Variants in UNC13B observed in about 807,000 individuals in gnomAD.
UNC13B encodes the protein protein unc-13 homolog B.
UNC13B carries 144 observed loss-of-function variants against 211.0 expected under a neutral mutation model. The ratio of observed to expected loss-of-function variants is 0.68; its 90% CI spans 0.60 to 0.78. The LOEUF is 0.78. UNC13B is among the 30% of genes least tolerant of loss of function. UNC13B has a pLI of 0.00. For missense variants in UNC13B, 1,777 were observed against 2,002.0 expected (o/e 0.89, Z 2.14); for synonymous variants, 709 against 725.8 (o/e 0.98, Z 0.37).
intron 1 of UNC13B, among the ~76,000 whole-genome samples, chr9:35,212,903 A>T (rs2131423770): frequency 6.6e-6 from 1 of 152,326 alleles, no homozygotes; most frequent in Admixed American, 6.5e-5. Flanking sequence ...CAGCTAATTT[A>T]TGCCATTACA....
intron 12 of UNC13B, among the ~76,000 whole-genome samples, chr9:35,368,024 A>G (rs1289400561): frequency 6.6e-6 from 1 of 152,072 alleles, no homozygotes; most frequent in Admixed American, 6.5e-5. Flanking sequence ...ATATTTTTAC[A>G]TGCTCCTTTC....
At chr9:35,263,024 A>T (rs1827368922) in intron 7 of UNC13B, among the ~76,000 whole-genome samples, 1 of 152,168 alleles carries the variant, frequency 6.6e-6, no homozygotes, top group Non-Finnish European at 1.5e-5. Flanking sequence ...AAAATAGTTT[A>T]TTCTAATTAT....
At position 35,306,312 on chromosome 9, in the gene UNC13B, A is replaced by T; in HGVS notation, c.6908A>T (p.Asp2303Val). Reference protein sequence around the residue: ...VTSLADELSVDKDCQEKLSSN... With the variant: ...VTSLADELSVVKDCQEKLSSN... ...TCCCTTGCAGATGAGCTCAGTGTAG[A>T]CAAGGACTGTCAGGAAAAACTGAGT... Residue 2303 changes from aspartate to valine, a missense_variant, in exon 9 of 40, where the codon GAC (aspartate) becomes GTC (valine). Physicochemically the swap from Asp to Val is radical, Grantham distance 152 (BLOSUM62 -3). Transcript: ENST00000635942. The T allele has an allele frequency of 2.5e-6, 1 of 399,080 alleles. No homozygotes were observed. The highest frequency in any genetic ancestry group is 4.4e-6 in the Non-Finnish European group (1 of 226,062). 24.7% of individuals were successfully genotyped at this position (399,080 alleles called of 1,614,324 possible).
intron 10 of UNC13B, 79 bp from the exon 11 acceptor site, chr9:35,313,820 A>C: frequency 1.8e-6 from 2 of 1,140,258 alleles, no homozygotes; most frequent in Non-Finnish European, 2.7e-6. Context: ...TATTTTAGAC[A>C]TTTGGCAGTC....
intron 8 of UNC13B, among the ~76,000 whole-genome samples, chr9:35,297,614 A>G (rs7046964): frequency 0.028 from 3,709 of 131,650 alleles, 159 homozygotes; most frequent in African/African-American, 0.1. Flanking sequence ...CAGTGGCGCT[A>G]TCTCGGCTCA....
intron 2 of UNC13B, 25 bp downstream of exon 2, chr9:35,228,069 T>G (rs1824960751): frequency 1.3e-6 from 2 of 1,599,338 alleles, no homozygotes; most frequent in Non-Finnish European, 1.7e-6. Context: ...CTATTATGTC[T>G]TTTCCTCTTG....
chr9:35,321,751 T>C (rs1693434596), intron 11 of UNC13B, among the ~76,000 whole-genome samples: 1 of 152,186 alleles, frequency 6.6e-6, no homozygotes, highest in Non-Finnish European at 1.5e-5. Context: ...TCGTCCTGTC[T>C]GGGCCTCCTG....
intron 7 of UNC13B, 31 bp from the exon 8 acceptor site, chr9:35,295,665 G>A: frequency 6.3e-7 from 1 of 1,588,794 alleles, no homozygotes; most frequent in Non-Finnish European, 8.6e-7. Flanking sequence ...ATAAAGCTGG[G>A]GTGCTTTGAT....
intron 11 of UNC13B, among the ~76,000 whole-genome samples, chr9:35,355,076 G>A (rs1288158649): frequency 6.6e-6 from 1 of 152,162 alleles, no homozygotes; most frequent in Non-Finnish European, 1.5e-5. Flanking sequence ...GCTATAAAAA[G>A]AATGTGGTAG....
At chr9:35,243,859 A>T (rs545834869) in intron 6 of UNC13B, among the ~76,000 whole-genome samples, 1 of 152,098 alleles carries the variant, frequency 6.6e-6, no homozygotes, top group African/African-American at 2.4e-5. Context: ...GTTATTGCTG[A>T]TGGAGGGAAA....
intron 11 of UNC13B, among the ~76,000 whole-genome samples, chr9:35,318,217 T>C (rs1239155054): frequency 6.6e-6 from 1 of 152,160 alleles, no homozygotes; most frequent in Non-Finnish European, 1.5e-5. Flanking sequence ...TGGCAACTGA[T>C]TAGAAATGTC....
intron 1 of UNC13B, 70 bp from the exon 2 acceptor site, chr9:35,227,945 C>T: frequency 7.3e-7 from 1 of 1,367,210 alleles, no homozygotes; most frequent in Non-Finnish European, 1.0e-6. Flanking sequence ...TATGTAGTGC[C>T]TAATAAATGT....
At chr9:35,400,221 T>C (rs1836203361) in intron 36 of UNC13B, 75 bp from the exon 37 acceptor site, 3 of 1,568,318 alleles carry the variant, frequency 1.9e-6, no homozygotes, top group African/African-American at 1.4e-5. Context: ...CTCTTCTTGC[T>C]TCTCTGAGGA....
chr9:35,247,939 C>T (rs1446118188), intron 6 of UNC13B, among the ~76,000 whole-genome samples: 1 of 152,054 alleles, frequency 6.6e-6, no homozygotes, highest in Non-Finnish European at 1.5e-5. Context: ...GTACCAGCTC[C>T]TCCTTGTACC....
chr9:35,168,738 G>A (rs1027151828), intron 1 of UNC13B, among the ~76,000 whole-genome samples: 1 of 132,124 alleles, frequency 7.6e-6, no homozygotes, highest in Non-Finnish European at 1.6e-5. Flanking sequence ...GTCTCACTCT[G>A]TTGCCCAGGC....
At position 35,347,486 on chromosome 9, in the gene UNC13B, G is replaced by C. The variant is rs1043715869; in HGVS notation, c.9415-19461G>C. Among the ~76,000 whole-genome samples the C allele has an allele frequency of 5.3e-5, 8 of 152,146 alleles. No homozygotes were observed. The South Asian group carries it at 1.7e-3, about 32-fold the overall frequency. ...AGGGTTGCCCTTTCAGCCCATTCTG[G>C]CTTCTGATATTCTACTGAGCTCAGC... On this transcript the variant is annotated intron_variant, in intron 11 of 39. Coordinates refer to ENST00000635942, the MANE Select transcript of UNC13B (RefSeq NM_001371189.2).
In UNC13B at chr9:35,399,437, T is replaced by C. The variant is rs757803531; in HGVS notation, c.12244T>C (p.Ser4082Pro). ...FTAAKELSHL[S>P]KLKDHMVREE... ...TGCTGCCAAGGAGCTGAGCCATCTT[T>C]CCAAACTCAAGGTACTCTGGGTGTG... The change falls in exon 35 of 40, where the codon TCC becomes CCC. Residue 4082 changes from serine (S) to proline (P), a missense_variant. By Grantham distance (74) the Ser-to-Pro change is moderately conservative (BLOSUM62 -1). Transcript: ENST00000635942. 1.4e-5 allele frequency: 23 copies of C among 1,613,978 alleles called. No homozygotes were observed. The South Asian group carries it at 1.5e-4, about 11-fold the overall frequency.
intron 1 of UNC13B, among the ~76,000 whole-genome samples, chr9:35,170,369 T>TGC (rs1821268784): frequency 6.6e-6 from 1 of 151,730 alleles, no homozygotes; most frequent in African/African-American, 2.4e-5. Flanking sequence ...TTTCACCATG[T>TGC]TGGCCAGGCT....
chr9:35,260,114 G>A (rs1827190002), intron 7 of UNC13B, among the ~76,000 whole-genome samples: 1 of 151,346 alleles, frequency 6.6e-6, no homozygotes, highest in South Asian at 2.1e-4. Context: ...GGAGGCTGAG[G>A]TGGGAGGATG....
Sources: gnomAD v4.1 joint callset for allele counts (sites outside exome capture counted in the v4.1 genomes callset) on GRCh38, gnomAD v4.1.1 for gene constraint, MANE v1.5 for transcripts, NCBI Gene and HGNC (gene_info 2026-07-23, HGNC 2026-07-21) for gene names.